Variants in TMEM135 observed in about 807,000 individuals in gnomAD.
The protein encoded by TMEM135 is peroxisomal membrane protein 52.
A neutral mutation model predicts 60.3 loss-of-function variants in TMEM135; 30 were observed. The observed-to-expected ratio is 0.50, with a 90% confidence interval of 0.37 to 0.68. The LOEUF is 0.68. Among genes scored for constraint, TMEM135 ranks in the 30% least tolerant of loss-of-function variants. The pLI is 0.00. For missense variants in TMEM135, 468 were observed against 548.8 expected, an observed-to-expected ratio of 0.85 and a Z score of 1.47; for synonymous variants, 190 against 186.7, an observed-to-expected ratio of 1.02 and a Z score of -0.14.
At chr11:87,257,482 T>A (rs1226002940) in intron 6 of TMEM135, among the ~76,000 whole-genome samples, 1 of 152,178 alleles carries the variant, frequency 6.6e-6, no homozygotes, top group Non-Finnish European at 1.5e-5. Flanking sequence ...TTTGGGTAAG[T>A]TATGTAGCCT....
rs748110575 is a variant in TMEM135, at chr11:87,326,883, T to G, written c.*5550T>G. On this transcript the variant is annotated 3_prime_UTR_variant, in exon 15 of 15. Coordinates refer to ENST00000305494, the MANE Select transcript of TMEM135 (RefSeq NM_022918.4). ...GGCAGGATAAATAAATCTATGAAAC[T>G]AGAGGCATCATTGAATCATCTGAGG... 6.7e-6 allele frequency: 3 copies of G among 449,482 alleles called. No individual in the cohort carries two copies. The highest frequency in any genetic ancestry group is 2.0e-5 in the African/African-American group (1 of 49,090). 27.8% of individuals were successfully genotyped at this position (449,482 alleles called of 1,614,324 possible). A position where few individuals can be genotyped will look rare whatever the true frequency, so the allele number is the denominator to read the frequency against.
intron 1 of TMEM135, among the ~76,000 whole-genome samples, chr11:87,060,599 A>T (rs184392669): frequency 2.6e-5 from 4 of 151,904 alleles, no homozygotes; most frequent in Admixed American, 1.3e-4. Context: ...TGCCTGTATC[A>T]GTCACCTTGA....
At chr11:87,094,745 C>G (rs1245434672) in intron 4 of TMEM135, 1 of 206,584 alleles carries the variant, frequency 4.8e-6, no homozygotes, top group East Asian at 1.2e-4. Context: ...CAACCAGAAC[C>G]TCAGGTGACT....
At chr11:87,198,281 C>A (rs1197812830) in intron 5 of TMEM135, among the ~76,000 whole-genome samples, 1 of 152,102 alleles carries the variant, frequency 6.6e-6, no homozygotes, top group Non-Finnish European at 1.5e-5. Flanking sequence ...TTTTACTACA[C>A]ATTTGTATTA....
At chr11:87,203,012 GAC>G (rs1280484785) in intron 5 of TMEM135, among the ~76,000 whole-genome samples, 1 of 120,532 alleles carries the variant, frequency 8.3e-6, no homozygotes, top group Non-Finnish European at 1.6e-5. Context: ...CAGCCTGGGC[GAC>G]AGAGTGAGAC....
chr11:87,262,881 G>A (rs555139969), intron 6 of TMEM135, among the ~76,000 whole-genome samples: 11 of 152,062 alleles, frequency 7.2e-5, no homozygotes, highest in Non-Finnish European at 1.0e-4. Context: ...TTTCAATTTA[G>A]CACATACATA....
intron 4 of TMEM135, among the ~76,000 whole-genome samples, chr11:87,126,497 T>C (rs185200919): frequency 6.6e-6 from 1 of 151,848 alleles, no homozygotes; most frequent in Admixed American, 6.6e-5. Context: ...TAGCAAAAAA[T>C]TTAGTATACT....
chr11:87,197,707 TC>T lies in TMEM135; in HGVS notation c.463-38929del, dbSNP rs1939993473. The stretch of plus-strand genomic sequence containing the variant: ...GCGTTGGCATGAGTCTAAGTTTAAA[TC>T]CTAATTTCATATTTAATTATTTGAT... On this transcript the variant is annotated intron_variant, in intron 5 of 14. Coordinates refer to ENST00000305494, the MANE Select transcript of TMEM135 (RefSeq NM_022918.4). Among the ~76,000 whole-genome samples, 4 of 152,078 alleles carry T rather than the reference TC, an allele frequency of 2.6e-5. No homozygotes were observed. In the South Asian group the frequency reaches 8.3e-4, roughly 32 times the overall value.
At chr11:87,302,540 A>ATGATCATTT (rs1942467874) in intron 8 of TMEM135, 98 bp downstream of exon 8, 2 of 1,475,250 alleles carry the variant, frequency 1.4e-6, no homozygotes, top group African/African-American at 2.8e-5. Context: ...TCAGGTAATG[A>ATGATCATTT]TGATCATTTT....
intron 5 of TMEM135, among the ~76,000 whole-genome samples, chr11:87,226,560 AACTTT>A (rs1206222421): frequency 2.0e-5 from 3 of 152,166 alleles, no homozygotes; most frequent in South Asian, 2.1e-4. Context: ...GAGTATTGAA[AACTTT>A]ACTTTAAATT....
intron 5 of TMEM135, among the ~76,000 whole-genome samples, chr11:87,199,077 G>A (rs1239764516): frequency 6.6e-6 from 1 of 152,202 alleles, no homozygotes; most frequent in Non-Finnish European, 1.5e-5. Flanking sequence ...CTTGTATTAT[G>A]AGTAGTTATC....
At chr11:87,276,302 T>C (rs1032834830) in intron 6 of TMEM135, among the ~76,000 whole-genome samples, 1 of 152,160 alleles carries the variant, frequency 6.6e-6, no homozygotes, top group Non-Finnish European at 1.5e-5. Flanking sequence ...ATATAGTAAG[T>C]AATAGTATCT....
chr11:87,038,143 G>T lies in TMEM135; in HGVS notation c.98G>T (p.Gly33Val). The T allele has an allele frequency of 1.2e-6, 2 of 1,614,180 alleles. No individual in the cohort carries two copies. The highest frequency in any genetic ancestry group is 1.7e-6 in the Non-Finnish European group (2 of 1,180,034). Reference sequence around the variant, plus strand: ...GTCTCCTTCCTGCAGATCACCGGGGGCGCCCTGGAGGAGTCCCTGAAGATC... The same window carrying T: ...GTCTCCTTCCTGCAGATCACCGGGGTCGCCCTGGAGGAGTCCCTGAAGATC... Reference protein sequence around the residue: ...CRVSFLQITGGALEESLKIYA... With the variant: ...CRVSFLQITGVALEESLKIYA... The change falls in exon 1 of 15, where the codon GGC becomes GTC. Residue 33 changes from glycine to valine, a missense_variant. Physicochemically the swap from Gly to Val is moderately radical, Grantham distance 109 (BLOSUM62 -3). Transcript: ENST00000305494.
In TMEM135 at chr11:87,117,211, C is replaced by T. The variant is rs551733979; in HGVS notation, c.396+25816C>T. The stretch of plus-strand genomic sequence containing the variant: ...GTGATATCAGGAATGATCAGGAAGT[C>T]ATAATCTTTGGAAGGCCTTGCCCCA... On this transcript the variant is annotated intron_variant, in intron 4 of 14. Transcript: ENST00000305494. Among the ~76,000 whole-genome samples, 3 of 152,298 alleles carry T rather than the reference C, an allele frequency of 2.0e-5. No individual in the cohort carries two copies. The South Asian group carries it at 6.2e-4, about 32-fold the overall frequency.
intron 5 of TMEM135, among the ~76,000 whole-genome samples, chr11:87,166,465 T>G (rs1939050800): frequency 6.6e-6 from 1 of 151,772 alleles, no homozygotes; most frequent in Non-Finnish European, 1.5e-5. Flanking sequence ...TTAATCCATC[T>G]CGAGTTAATT....
Position 87,280,179 on chromosome 11 carries a change from G to A in TMEM135, c.510-15603G>A, listed in dbSNP as rs149869813. Among the ~76,000 whole-genome samples, 619 of 152,326 alleles carry A rather than the reference G, an allele frequency of 4.1e-3. 4 individuals are homozygous for A. Among genetic ancestry groups the A allele is most frequent in the African/African-American group, 0.014 (590 of 41,562 alleles). On this transcript the variant is annotated intron_variant, in intron 6 of 14. Transcript: ENST00000305494. ...TGTTTAGATGGCATTAATATCAGTTGCTTTCAAAAATTCAGCGTGTAGGCT... is the reference window on the plus strand; with the variant it reads ...TGTTTAGATGGCATTAATATCAGTTACTTTCAAAAATTCAGCGTGTAGGCT...
At chr11:87,271,936 T>C (rs771781447) in intron 6 of TMEM135, among the ~76,000 whole-genome samples, 17 of 151,550 alleles carry the variant, frequency 1.1e-4, no homozygotes, top group Non-Finnish European at 2.4e-4. Context: ...GAGACCCCCA[T>C]CTCAAAGAAC....
At chr11:87,161,451 A>C (rs1938875283) in intron 5 of TMEM135, among the ~76,000 whole-genome samples, 1 of 152,174 alleles carries the variant, frequency 6.6e-6, no homozygotes, top group Non-Finnish European at 1.5e-5. Flanking sequence ...TTTAAAAATT[A>C]TCTCTTTTCT....
intron 5 of TMEM135, among the ~76,000 whole-genome samples, chr11:87,208,461 G>T (rs1410190967): frequency 1.3e-5 from 2 of 152,088 alleles, no homozygotes; most frequent in East Asian, 3.9e-4. Context: ...GCTGAGGAAA[G>T]AATTGAAGAG....
Sources: allele counts gnomAD v4.1 joint callset (sites outside exome capture counted in the v4.1 genomes callset), GRCh38; gene constraint gnomAD v4.1.1; transcripts MANE v1.5; gene names NCBI Gene and HGNC (gene_info 2026-07-23, HGNC 2026-07-21).